The following HSPA12A variants were observed in gnomAD, a reference collection of about 807,000 sequenced individuals.
The protein encoded by HSPA12A is heat shock protein family A (Hsp70) member 12A.
In HSPA12A, 28 loss-of-function variants were observed where a neutral mutation model predicts 69.2. The ratio of observed to expected loss-of-function variants is 0.40; its 90% CI spans 0.30 to 0.55. The LOEUF (loss-of-function observed/expected upper bound fraction) is 0.55. Ranked by LOEUF, HSPA12A falls within the 20% of genes least tolerant of loss-of-function variation. The probability of loss-of-function intolerance (pLI) is 0.38; values close to 1 mark genes in which losing one functional copy is unlikely to be tolerated. For missense variants in HSPA12A, 686 were observed against 900.7 expected (o/e 0.76, Z 3.05); for synonymous variants, 345 against 370.5 (o/e 0.93, Z 0.79).
intron 6 of HSPA12A, among the ~76,000 whole-genome samples, chr10:116,687,982 GT>G (rs533452508): frequency 8.8e-5 from 13 of 147,870 alleles, no homozygotes; most frequent in Non-Finnish European, 1.5e-4. Context: ...AACATGATGA[GT>G]TTTTTTTTGC....
chr10:116,761,252 G>A (rs905982747), intron 2 of HSPA12A, among the ~76,000 whole-genome samples: 8 of 152,048 alleles, frequency 5.3e-5, no homozygotes. Context: ...TTGGGAGGCC[G>A]AGGCAGGTGG....
In HSPA12A at chr10:116,707,194, T is replaced by A; in HGVS notation, c.126+6A>T. 1 of 1,529,844 alleles carries A rather than the reference T, an allele frequency of 6.5e-7. No individual in the cohort carries two copies. Among genetic ancestry groups the A allele is most frequent in the Non-Finnish European group, 9.0e-7 (1 of 1,114,558 alleles). 94.8% of individuals were successfully genotyped at this position (1,529,844 alleles called of 1,614,324 possible). On this transcript the variant is annotated splice_donor_region_variant and intron_variant, in intron 2 of 11. Coordinates refer to ENST00000369209, the MANE Select transcript of HSPA12A (RefSeq NM_025015.3). ...ACACACACACACACACACACACACTTCTTACCACAATATGGGAGGGGGACA... is the reference window on the plus strand; with the variant it reads ...ACACACACACACACACACACACACTACTTACCACAATATGGGAGGGGGACA...
intron 4 of HSPA12A, among the ~76,000 whole-genome samples, chr10:116,699,203 T>C (rs1850008099): frequency 6.6e-6 from 1 of 152,156 alleles, no homozygotes; most frequent in Admixed American, 6.5e-5. Context: ...TCATTCCCCA[T>C]TACGCTGCCA....
chr10:116,849,795 A>AACGCCTTGCGCCTGCGCCT (rs1846010109), upstream of HSPA12A: 1 of 1,438,156 alleles, frequency 7.0e-7, no homozygotes, highest in African/African-American at 1.4e-5. Context: ...GCGCTGCGGC[A>AACGCCTTGCGCCTGCGCCT]ACGCCTTGCG....
At position 116,699,107 on chromosome 10, in the gene HSPA12A, A is replaced by C. The variant is rs1217628107; in HGVS notation, c.442-368T>G. Among the ~76,000 whole-genome samples the C allele has an allele frequency of 2.0e-5, 3 of 151,142 alleles. No individual in the cohort carries two copies. In the South Asian group the frequency reaches 6.4e-4, roughly 32 times the overall value. On this transcript the variant is annotated intron_variant, in intron 4 of 11. Coordinates refer to ENST00000369209, the MANE Select transcript of HSPA12A (RefSeq NM_025015.3). ...TTCCGTACAATTTCCACATTCGAAC[A>C]CACATGGTCACGCTCAGGATCCCCC...
At chr10:116,848,752 C>T (rs1207782854) in intron 1 of HSPA12A, among the ~76,000 whole-genome samples, 1 of 152,140 alleles carries the variant, frequency 6.6e-6, no homozygotes, top group Non-Finnish European at 1.5e-5. Flanking sequence ...AAGGCCATTC[C>T]CCCATTTCCG....
rs188276880 is a variant in HSPA12A at position 116,681,194 on chromosome 10, G to A, written c.985C>T (p.Arg329Trp). ...GTVDLTVHQI[R>W]LPEGHLKELY... ...TCCTTAAGGTGTCCCTCCGGTAACC[G>A]GATCTGATGGACTGTCAGGTCTACG... The change falls in exon 9 of 12, where the codon CGG becomes TGG. Residue 329 changes from arginine (R) to tryptophan (W), a missense_variant. Physicochemically the swap from Arg to Trp is moderately radical, Grantham distance 101 (BLOSUM62 -3). Transcript: ENST00000369209. 1,151 of 1,614,098 alleles carry A rather than the reference G, an allele frequency of 7.1e-4. 1 individual carries two copies. Among genetic ancestry groups the A allele is most frequent in the Non-Finnish European group, 7.9e-4 (927 of 1,179,986 alleles).
At chr10:116,757,179 G>A (rs544264584) in intron 2 of HSPA12A, among the ~76,000 whole-genome samples, 1 of 152,200 alleles carries the variant, frequency 6.6e-6, no homozygotes, top group Admixed American at 6.5e-5. Flanking sequence ...AGGCTTAGCT[G>A]GGGGAAATGG....
chr10:116,841,018 G>C (rs1009797777), intron 1 of HSPA12A, among the ~76,000 whole-genome samples: 2 of 152,136 alleles, frequency 1.3e-5, no homozygotes, highest in Admixed American at 6.5e-5. Context: ...TCCCTTGGCC[G>C]TATCTCTAGG....
At chr10:116,738,143 A>G (rs1851371110) in intron 1 of HSPA12A, among the ~76,000 whole-genome samples, 1 of 152,202 alleles carries the variant, frequency 6.6e-6, no homozygotes. Flanking sequence ...CACAAGATTG[A>G]GTCGTCACTC....
At chr10:116,751,216 C>A in intron 2 of HSPA12A, 1 of 231,952 alleles carries the variant, frequency 4.3e-6, no homozygotes, top group South Asian at 7.8e-5. Flanking sequence ...TCAGGTAGCT[C>A]AAAGGAAGGT....
intron 5 of HSPA12A, among the ~76,000 whole-genome samples, chr10:116,694,849 G>A (rs1440326920): frequency 6.6e-6 from 1 of 152,128 alleles, no homozygotes; most frequent in East Asian, 1.9e-4. Flanking sequence ...TTGCCGCCTG[G>A]AACAAAGGGG....
In HSPA12A at chr10:116,823,186, A is replaced by C. The variant is rs1250269318; in HGVS notation, c.91+11749T>G. On this transcript the variant is annotated intron_variant, in intron 2 of 12. Transcript: ENST00000635765. ...AAATGAACAATCCAAAAATAAAATT[A>C]AGAAAACAATTCCCTTTACAATAGC... 2.0e-5 allele frequency among the ~76,000 whole-genome samples: 3 copies of C among 152,230 alleles called. No homozygotes were observed. In the East Asian group the frequency reaches 5.8e-4, roughly 29 times the overall value.
chr10:116,780,514 G>A lies in HSPA12A; in HGVS notation c.91+54421C>T, dbSNP rs77209773. 5.8e-3 allele frequency among the ~76,000 whole-genome samples: 806 copies of A among 138,260 alleles called. 19 individuals carry two copies. Among genetic ancestry groups the A allele is most frequent in the Admixed American group, 0.039 (511 of 13,004 alleles). The allele number at this position is 138,260 out of a possible 152,430, so 90.7% of individuals were successfully genotyped here. On this transcript the variant is annotated intron_variant, in intron 2 of 12. Coordinates refer to the HSPA12A transcript ENST00000635765. ...GCACAGGTACGCACCACCACACCCA[G>A]CTAATTTTTTGATTTATTTTATTTT...
rs1357185886 is a variant in HSPA12A at position 116,723,045 on chromosome 10, C to T, written c.41-15760G>A. ...GCTTCCCAGAGAGCCTTATACTCTC[C>T]CAGCTGGTGTCACTGCCTCCAGGCT... is the stretch of plus-strand genomic sequence containing the variant. On this transcript the variant is annotated intron_variant, in intron 1 of 11. Transcript: ENST00000369209. The surrounding 1 kb of genome is among the most constrained non-coding windows in gnomAD (Gnocchi z 4.1). Among the ~76,000 whole-genome samples the T allele has an allele frequency of 2.0e-5, 3 of 152,124 alleles. No homozygotes were observed. The highest frequency in any genetic ancestry group is 1.3e-4 in the Admixed American group (2 of 15,276).
chr10:116,742,442 C>T lies in HSPA12A; in HGVS notation c.28G>A (p.Asp10Asn). Reference sequence around the variant, plus strand: ...AGCCTGCGCTCACCTCGGGGCCCGTCGCTGCCGCCGGCCTCCTTGTCCGCC... The same window carrying T: ...AGCCTGCGCTCACCTCGGGGCCCGTTGCTGCCGCCGGCCTCCTTGTCCGCC... MADKEAGGS[D>N]GPRETAPTSA... The change falls in exon 1 of 12, where the codon GAC becomes AAC. Residue 10 changes from aspartate (D) to asparagine (N), a missense_variant. By Grantham distance (23) the Asp-to-Asn change is conservative. Transcript: ENST00000369209. 1.4e-6 allele frequency: 2 copies of T among 1,409,886 alleles called. No individual in the cohort carries two copies. The highest frequency in any genetic ancestry group is 1.5e-5 in the African/African-American group (1 of 66,492). The allele number at this position is 1,409,886 out of a possible 1,614,324, so 87.3% of individuals were successfully genotyped here.
chr10:116,691,289 T>C (rs1554880127), intron 6 of HSPA12A, among the ~76,000 whole-genome samples: 1 of 151,832 alleles, frequency 6.6e-6, no homozygotes, highest in Non-Finnish European at 1.5e-5. Context: ...CTACTTGGAG[T>C]CAAGCCTTCC....
intron 2 of HSPA12A, 52 bp downstream of exon 2, chr10:116,707,148 T>TGA (rs1850276766): frequency 1.1e-6 from 1 of 936,176 alleles, no homozygotes; most frequent in Non-Finnish European, 1.5e-6. Context: ...TGCGCACCCA[T>TGA]GCGCGCACAC....
intron 2 of HSPA12A, among the ~76,000 whole-genome samples, chr10:116,814,211 TAG>T (rs1203002373): frequency 3.9e-5 from 6 of 152,162 alleles, no homozygotes; most frequent in Admixed American, 3.9e-4. Context: ...AAAGGGCAAT[TAG>T]AGCAGAAAAG....
Sources: gnomAD v4.1 joint callset for allele counts (sites outside exome capture counted in the v4.1 genomes callset) on GRCh38, gnomAD v4.1.1 for gene constraint, Gnocchi (gnomAD v3.1) non-coding constraint, MANE v1.5 for transcripts, NCBI Gene and HGNC (gene_info 2026-07-23, HGNC 2026-07-21) for gene names.